The following ENTHD1 variants were observed in gnomAD, a reference collection of about 807,000 sequenced individuals.
The protein encoded by ENTHD1 is ENTH domain containing 1.
A neutral mutation model predicts 39.1 loss-of-function variants in ENTHD1; 23 were observed. The observed-to-expected ratio is 0.59, with a 90% CI of 0.42 to 0.83. The LOEUF is 0.83. Among genes scored for constraint, ENTHD1 ranks in the 40% least tolerant of loss-of-function variants. The probability of loss-of-function intolerance (pLI) is 0.00; values close to 1 mark genes in which losing one functional copy is unlikely to be tolerated. For synonymous variants in ENTHD1, 230 were observed against 258.2 expected, an observed-to-expected ratio of 0.89 and a Z score of 1.05; for missense variants, 624 against 705.4, an observed-to-expected ratio of 0.88 and a Z score of 1.31.
rs936375943 is a variant in ENTHD1, at chr22:39,867,986, T to A, written c.350-5979A>T. Among the ~76,000 whole-genome samples, 1 of 152,154 alleles carries A rather than the reference T, an allele frequency of 6.6e-6. No homozygotes were observed. Among genetic ancestry groups the A allele is most frequent in the African/African-American group, 2.4e-5 (1 of 41,422 alleles). The stretch of plus-strand genomic sequence containing the variant: ...CTGAAGCCAAGGGCTGCTGGGCTCT[T>A]GATCTGCCAGCCCAGAGTTCAGCTC... On this transcript the variant is annotated intron_variant, in intron 2 of 6. Coordinates refer to ENST00000325157, the MANE Select transcript of ENTHD1 (RefSeq NM_152512.4). This position sits in a 1 kb window ranked among gnomAD's most constrained non-coding sequence, Gnocchi z 4.5.
At chr22:39,770,541 C>T (rs537637075) in intron 5 of ENTHD1, among the ~76,000 whole-genome samples, 3 of 152,290 alleles carry the variant, frequency 2.0e-5, no homozygotes, top group Admixed American at 6.5e-5. Flanking sequence ...ATTTGAATAA[C>T]TCCTCCAGCG....
intron 2 of ENTHD1, among the ~76,000 whole-genome samples, chr22:39,864,750 G>T (rs1200634701): frequency 2.6e-5 from 4 of 152,024 alleles, no homozygotes; most frequent in Non-Finnish European, 4.4e-5. Flanking sequence ...AAGTTAGCTG[G>T]GCACGGTGGT....
chr22:39,785,168 G>A (rs2065445555), intron 5 of ENTHD1, among the ~76,000 whole-genome samples: 1 of 152,180 alleles, frequency 6.6e-6, no homozygotes, highest in Non-Finnish European at 1.5e-5. Flanking sequence ...ACAGCACAGA[G>A]CTCAAAGAGA....
intron 5 of ENTHD1, among the ~76,000 whole-genome samples, chr22:39,818,790 A>AT (rs2065753939): frequency 6.6e-6 from 1 of 152,168 alleles, no homozygotes. Flanking sequence ...AAATGGTGGG[A>AT]TCCCCCCTCC....
intron 4 of ENTHD1, among the ~76,000 whole-genome samples, chr22:39,826,072 A>G (rs1356995209): frequency 2.0e-5 from 3 of 152,100 alleles, no homozygotes; most frequent in Non-Finnish European, 4.4e-5. Flanking sequence ...TTATAGACAC[A>G]TGGTTTCACC....
intron 2 of ENTHD1, among the ~76,000 whole-genome samples, chr22:39,871,172 AAAATAAATAAAT>A (rs58727605): frequency 0.031 from 4,387 of 141,240 alleles, 206 homozygotes; most frequent in African/African-American, 0.11. Flanking sequence ...CCCATCTTCT[AAAATAAATAAAT>A]AAATAAATAA....
At chr22:39,768,206 C>G (rs1459631759) in intron 5 of ENTHD1, among the ~76,000 whole-genome samples, 1 of 152,156 alleles carries the variant, frequency 6.6e-6, no homozygotes, top group Non-Finnish European at 1.5e-5. Flanking sequence ...TCAATTACTA[C>G]TTTATAGTTT....
At chr22:39,753,606 T>C (rs1374614800) in intron 6 of ENTHD1, among the ~76,000 whole-genome samples, 2 of 152,166 alleles carry the variant, frequency 1.3e-5, no homozygotes, top group Non-Finnish European at 2.9e-5. Context: ...CCTGGACCCT[T>C]CATATAAACA....
chr22:39,793,084 C>T (rs768043976), intron 5 of ENTHD1, among the ~76,000 whole-genome samples: 49 of 152,216 alleles, frequency 3.2e-4, no homozygotes, highest in African/African-American at 3.4e-4. Flanking sequence ...TCTGCATCCT[C>T]GCCAGCATTC....
intron 2 of ENTHD1, among the ~76,000 whole-genome samples, chr22:39,868,670 A>G (rs1368631857): frequency 6.6e-6 from 1 of 152,202 alleles, no homozygotes; most frequent in African/African-American, 2.4e-5. Context: ...AAAAGAAACT[A>G]TCAGTGTAAA....
rs994235675 is a variant in ENTHD1, at chr22:39,867,595, T to G, written c.350-5588A>C. Among the ~76,000 whole-genome samples the G allele has an allele frequency of 6.6e-6, 1 of 152,152 alleles. No individual in the cohort carries two copies. Among genetic ancestry groups the G allele is most frequent in the African/African-American group, 2.4e-5 (1 of 41,420 alleles). ...CATTTGTTGCCTGTGGTGTCCTAAA[T>G]TACTTACTTAGCTTTAGTCTCCCTT... is the stretch of plus-strand genomic sequence containing the variant. On this transcript the variant is annotated intron_variant, in intron 2 of 6. Coordinates refer to ENST00000325157, the MANE Select transcript of ENTHD1 (RefSeq NM_152512.4). The surrounding 1 kb of genome is among the most constrained non-coding windows in gnomAD (Gnocchi z 4.5).
At chr22:39,792,312 C>T (rs2065511082) in intron 5 of ENTHD1, among the ~76,000 whole-genome samples, 1 of 152,148 alleles carries the variant, frequency 6.6e-6, no homozygotes, top group African/African-American at 2.4e-5. Context: ...AATCGCCACA[C>T]TGTCTTCCAC....
At chr22:39,754,177 A>C (rs1173462811) in intron 6 of ENTHD1, among the ~76,000 whole-genome samples, 1 of 152,268 alleles carries the variant, frequency 6.6e-6, no homozygotes, top group African/African-American at 2.4e-5. Context: ...GCACAAAAAC[A>C]GCAAATTAGC....
At chr22:39,833,826 A>G (rs2065888203) in intron 4 of ENTHD1, among the ~76,000 whole-genome samples, 1 of 151,820 alleles carries the variant, frequency 6.6e-6, no homozygotes. Flanking sequence ...AAATCCTCCA[A>G]CTGAAAAGTC....
chr22:39,807,884 C>T (rs141848177), intron 5 of ENTHD1, among the ~76,000 whole-genome samples: 70 of 149,452 alleles, frequency 4.7e-4, no homozygotes, highest in African/African-American at 1.6e-3. Flanking sequence ...TATATATATA[C>T]GTACGTGTGT....
At chr22:39,766,520 T>C (rs1164655401) in intron 5 of ENTHD1, among the ~76,000 whole-genome samples, 1 of 152,178 alleles carries the variant, frequency 6.6e-6, no homozygotes, top group Non-Finnish European at 1.5e-5. Flanking sequence ...AAGACCGTTA[T>C]TTTTATGAGG....
intron 2 of ENTHD1, among the ~76,000 whole-genome samples, chr22:39,882,472 T>G (rs2066345901): frequency 6.6e-6 from 1 of 152,156 alleles, no homozygotes; most frequent in African/African-American, 2.4e-5. Context: ...TAGGAATGAT[T>G]GTTAATGCAA....
At chr22:39,817,812 T>C (rs1245526535) in intron 5 of ENTHD1, among the ~76,000 whole-genome samples, 1 of 152,228 alleles carries the variant, frequency 6.6e-6, no homozygotes, top group African/African-American at 2.4e-5. Context: ...AAAGATTTTA[T>C]AGCAGTTGTG....
In ENTHD1 at chr22:39,863,707, C is replaced by G. The variant is rs191125858; in HGVS notation, c.350-1700G>C. Among the ~76,000 whole-genome samples, 27 of 152,282 alleles carry G rather than the reference C, an allele frequency of 1.8e-4. 1 individual carries two copies. The highest frequency in any genetic ancestry group is 1.7e-3 in the Admixed American group (26 of 15,300). On this transcript the variant is annotated intron_variant, in intron 2 of 6. Transcript: ENST00000325157. ...AAACTGAAAAGTCCCTAATGATCCACTTGTATGTTCATTTTGGGCTCTAGG... is the reference window on the plus strand; with the variant it reads ...AAACTGAAAAGTCCCTAATGATCCAGTTGTATGTTCATTTTGGGCTCTAGG...
Sources: allele counts gnomAD v4.1 joint callset (sites outside exome capture counted in the v4.1 genomes callset), GRCh38; gene constraint gnomAD v4.1.1; non-coding constraint Gnocchi (gnomAD v3.1); transcripts MANE v1.5; gene names NCBI Gene and HGNC (gene_info 2026-07-23, HGNC 2026-07-21).